The following CD79B variants were observed in gnomAD, a reference collection of about 807,000 sequenced individuals.
The protein encoded by CD79B is B-cell antigen receptor complex-associated protein beta chain.
Under a neutral mutation model 30.0 loss-of-function variants are expected in CD79B, and 7 were observed. The ratio of observed to expected loss-of-function variants is 0.23; its 90% CI spans 0.13 to 0.44. The LOEUF (loss-of-function observed/expected upper bound fraction) is 0.44, where lower values mean the gene tolerates loss of function less well. Among genes scored for constraint, CD79B ranks in the 20% least tolerant of loss-of-function variants. CD79B has a pLI of 1.00. For synonymous variants in CD79B, 118 were observed against 119.2 expected, an observed-to-expected ratio of 0.99 and a Z score of 0.07; for missense variants, 218 against 299.1, an observed-to-expected ratio of 0.73 and a Z score of 2.00.
At chr17:63,931,710 A>T (rs1008234585) in intron 1 of CD79B, among the ~76,000 whole-genome samples, 2 of 151,034 alleles carry the variant, frequency 1.3e-5, no homozygotes, top group Non-Finnish European at 2.9e-5. Context: ...GTTTGAGACC[A>T]GCCTGGGCAA....
At position 63,931,525 on chromosome 17, in the gene CD79B, C is replaced by T. The variant is rs12451467; in HGVS notation, c.68-140G>A. 0.36 allele frequency: 268,623 copies of T among 738,474 alleles called. 51,938 individuals carry two copies. The highest frequency in any genetic ancestry group is 0.43 in the Middle Eastern group (1,260 of 2,914). The allele number at this position is 738,474 out of a possible 1,614,324, so 45.7% of individuals were successfully genotyped here. ...CTTCAAGACCCCTCGGTCCTCCCTG[C>T]CCCCAGTACTTGGGAGACAGATATG... On this transcript the variant is annotated intron_variant, in intron 1 of 5. Coordinates refer to ENST00000006750, the MANE Select transcript of CD79B (RefSeq NM_000626.4).
At position 63,932,248 on chromosome 17, in the gene CD79B, G is replaced by A. The variant is rs748240443; in HGVS notation, c.14C>T (p.Ala5Val). The part of the protein sequence containing the change: MARL[A>V]LSPVPSHWMV... ...CCAGTGGCTGGGCACAGGAGACAACGCCAGCCTGGCCATGGTCACCGCTCT... is the reference window on the plus strand; with the variant it reads ...CCAGTGGCTGGGCACAGGAGACAACACCAGCCTGGCCATGGTCACCGCTCT... Residue 5 changes from alanine (A) to valine (V), a missense_variant, in exon 1 of 6, where the codon GCG (alanine) becomes GTG (valine). By Grantham distance (64) the Ala-to-Val change is moderately conservative (BLOSUM62 0). Coordinates refer to ENST00000006750, the MANE Select transcript of CD79B (RefSeq NM_000626.4). 9.9e-6 allele frequency: 16 copies of A among 1,612,418 alleles called. No individual in the cohort carries two copies. The highest frequency in any genetic ancestry group is 3.3e-4 in the Middle Eastern group (2 of 6,084).
chr17:63,930,846 G>T, intron 2 of CD79B: 1 of 297,548 alleles, frequency 3.4e-6, no homozygotes, highest in South Asian at 3.5e-5. Flanking sequence ...TTCCTCAGTC[G>T]ACCCCCTCCC....
At chr17:63,932,065 A>G (rs552846543) in intron 1 of CD79B, 130 bp downstream of exon 1, 2 of 860,564 alleles carry the variant, frequency 2.3e-6, no homozygotes, top group South Asian at 2.8e-5. Context: ...CCCCAGGGCC[A>G]TGAGAGGGAG....
chr17:63,932,199 GAGC>G lies in CD79B; in HGVS notation c.60_62del (p.Leu21del). The G allele has an allele frequency of 6.2e-7, 1 of 1,613,104 alleles. No individual in the cohort carries two copies. The highest frequency in any genetic ancestry group is 8.5e-7 in the Non-Finnish European group (1 of 1,179,810). On this transcript the variant is annotated inframe_deletion, in exon 1 of 6. Transcript: ENST00000006750. The stretch of plus-strand genomic sequence containing the variant: ...GCCTCGTCGTGGGTTCTGTACCTGA[GAGC>G]AGCAGCAGCAACGCCACCATCCAGT...
chr17:63,931,506 G>T, intron 1 of CD79B, 121 bp from the exon 2 acceptor site: 1 of 915,584 alleles, frequency 1.1e-6, no homozygotes, highest in Non-Finnish European at 1.7e-6. Flanking sequence ...GCAGCTTCAA[G>T]ACCCCTCGGT....
At position 63,930,447 on chromosome 17, in the gene CD79B, C is replaced by G. The variant is rs1908057612; in HGVS notation, c.119-62G>C. The G allele has an allele frequency of 2.2e-5, 32 of 1,462,360 alleles. No individual in the cohort carries two copies. In the South Asian group the frequency reaches 3.6e-4, roughly 17 times the overall value. The allele number at this position is 1,462,360 out of a possible 1,614,324, so 90.6% of individuals were successfully genotyped here. On this transcript the variant is annotated intron_variant, in intron 2 of 5. Coordinates refer to ENST00000006750, the MANE Select transcript of CD79B (RefSeq NM_000626.4). The stretch of plus-strand genomic sequence containing the variant: ...GCATCTTCCTGAGTGCCAGCCCCAG[C>G]AGCAGGCCCCTGCCCTGGCTGGCAC...
In CD79B at chr17:63,929,869, C is replaced by T; in HGVS notation, c.450G>A (p.Gln150=). ...LRVMGFSTLA[Q]LKQRNTLKDG... is the part of the protein sequence containing the mutation. ...CCTTCAGCGTGTTCCTCTGCTTCAG[C>T]TGTGCCAAGGTGCTGAATCCTGCGG... The change falls in exon 4 of 6, where the codon CAG becomes CAA. Residue 150 remains glutamine (Q), a synonymous_variant. Transcript: ENST00000006750. 6.2e-7 allele frequency: 1 copy of T among 1,613,468 alleles called. No homozygotes were observed. The highest frequency in any genetic ancestry group is 8.5e-7 in the Non-Finnish European group (1 of 1,179,590).
chr17:63,932,177 T>C lies in CD79B; in HGVS notation c.67+18A>G, dbSNP rs773415844. 124 of 1,610,824 alleles carry C rather than the reference T, an allele frequency of 7.7e-5. No homozygotes were observed. Among genetic ancestry groups the C allele is most frequent in the Non-Finnish European group, 1.0e-4 (122 of 1,177,978 alleles). On this transcript the variant is annotated intron_variant, in intron 1 of 5. Coordinates refer to ENST00000006750, the MANE Select transcript of CD79B (RefSeq NM_000626.4). Reference sequence around the variant, plus strand: ...GAGATGAGAGCAAACCCCACAGGCCTCGTCGTGGGTTCTGTACCTGAGAGC... The same window carrying C: ...GAGATGAGAGCAAACCCCACAGGCCCCGTCGTGGGTTCTGTACCTGAGAGC...
rs1398300100 is a variant in CD79B, at chr17:63,932,199, G to A, written c.63C>T (p.Leu21=). The A allele has an allele frequency of 6.2e-7, 1 of 1,613,122 alleles. No homozygotes were observed. Among genetic ancestry groups the A allele is most frequent in the East Asian group, 2.2e-5 (1 of 44,882 alleles). ...SHWMVALLLL[L]SAEPVPAARS... ...GCCTCGTCGTGGGTTCTGTACCTGA[G>A]AGCAGCAGCAGCAACGCCACCATCC... The change falls in exon 1 of 6, where the codon CTC becomes CTT. Residue 21 remains leucine (L), a synonymous_variant. Transcript: ENST00000006750.
At position 63,928,857 on chromosome 17, in the gene CD79B, G is replaced by T. The variant is rs1460542312; in HGVS notation, c.*369C>A. The T allele has an allele frequency of 1.2e-5, 5 of 411,332 alleles. No individual in the cohort carries two copies. The highest frequency in any genetic ancestry group is 5.9e-5 in the African/African-American group (3 of 50,712). The allele number at this position is 411,332 out of a possible 1,614,324, so 25.5% of individuals were successfully genotyped here. A position where few individuals can be genotyped will look rare whatever the true frequency, so the allele number is the denominator to read the frequency against. ...GTTCCTGTGGCTCTTCTGGGGCCCA[G>T]TTGGGTCCATGGCCCTTCCCAAGCT... On this transcript the variant is annotated 3_prime_UTR_variant, in exon 6 of 6. Transcript: ENST00000006750.
chr17:63,932,166 C>T (rs1195639040), intron 1 of CD79B, 29 bp downstream of exon 1: 1 of 1,603,652 alleles, frequency 6.2e-7, no homozygotes. Context: ...TGAGAGCAAA[C>T]CCCACAGGCC....
chr17:63,931,256 C>T, intron 2 of CD79B, 79 bp downstream of exon 2: 2 of 1,471,654 alleles, frequency 1.4e-6, no homozygotes, highest in Non-Finnish European at 1.9e-6. Flanking sequence ...CGGACCGCCC[C>T]CAGGACAGGG....
At chr17:63,931,804 C>T (rs573804733) in intron 1 of CD79B, 1 of 395,758 alleles carries the variant, frequency 2.5e-6, no homozygotes, top group African/African-American at 2.0e-5. Context: ...TCTTTCACCT[C>T]CCAGAGGAGG....
At chr17:63,930,442 C>G in intron 2 of CD79B, 57 bp from the exon 3 acceptor site, 1 of 1,513,948 alleles carries the variant, frequency 6.6e-7, no homozygotes, top group Non-Finnish European at 9.1e-7. Context: ...GAGTGCCAGC[C>G]CCAGCAGCAG....
At chr17:63,930,780 G>A (rs769131521) in intron 2 of CD79B, among the ~76,000 whole-genome samples, 2 of 152,000 alleles carry the variant, frequency 1.3e-5, no homozygotes, top group East Asian at 1.9e-4. Context: ...GAAATCCTCA[G>A]TCTCCCCCGT....
chr17:63,929,737 G>C, intron 4 of CD79B, 33 bp downstream of exon 4: 5 of 1,491,714 alleles, frequency 3.4e-6, no homozygotes, highest in Non-Finnish European at 3.7e-6. Flanking sequence ...CCTCCTCTGC[G>C]GTCCCCCAAG....
At chr17:63,932,081 C>T (rs369330874) in intron 1 of CD79B, 114 bp downstream of exon 1, 11 of 943,124 alleles carry the variant, frequency 1.2e-5, no homozygotes, top group African/African-American at 3.2e-5. Flanking sequence ...GGGAGACAGG[C>T]GGTAAAGAGT....
Position 63,930,341 on chromosome 17 carries a change from T to C in CD79B, c.163A>G (p.Arg55Gly). The change falls in exon 3 of 6, where the codon AGG becomes GGG. Residue 55 changes from arginine to glycine, a missense_variant. By Grantham distance (125) the Arg-to-Gly change is moderately radical. Coordinates refer to ENST00000006750, the MANE Select transcript of CD79B (RefSeq NM_000626.4). Reference protein sequence around the residue: ...RIWQSPRFIARKRGFTVKMHC... With the variant: ...RIWQSPRFIAGKRGFTVKMHC... ...ATTTTCACCGTGAAGCCCCGTTTCC[T>C]GGCTATGAAACGTGGGCTCTGCCAG... 6.2e-7 allele frequency: 1 copy of C among 1,614,126 alleles called. No homozygotes were observed. Among genetic ancestry groups the C allele is most frequent in the Non-Finnish European group, 8.5e-7 (1 of 1,180,030 alleles).
Sources: gnomAD v4.1 joint callset for allele counts (sites outside exome capture counted in the v4.1 genomes callset) on GRCh38, gnomAD v4.1.1 for gene constraint, MANE v1.5 for transcripts, NCBI Gene and HGNC (gene_info 2026-07-23, HGNC 2026-07-21) for gene names.